PARD3B: variants seen among roughly 807,000 people sequenced by gnomAD.
PARD3B encodes the protein par-3 family cell polarity regulator beta.
A neutral mutation model predicts 130.2 loss-of-function variants in PARD3B; 103 were observed. That is an observed-to-expected ratio of 0.79 (90% CI 0.67 to 0.93). The LOEUF (loss-of-function observed/expected upper bound fraction) is 0.93. Among genes scored for constraint, PARD3B ranks in the 40% least tolerant of loss-of-function variants. The pLI is 0.00. For synonymous variants in PARD3B, 583 were observed against 553.2 expected, an observed-to-expected ratio of 1.05 and a Z score of -0.76; for missense variants, 1,609 against 1,499.2, an observed-to-expected ratio of 1.07 and a Z score of -1.21.
intron 2 of PARD3B, among the ~76,000 whole-genome samples, chr2:204,872,443 T>C (rs1328044316): frequency 6.6e-6 from 1 of 152,198 alleles, no homozygotes; most frequent in African/African-American, 2.4e-5. Flanking sequence ...CACTGTATCT[T>C]ATCCATGCCT....
chr2:204,820,070 AC>A (rs2043285140), intron 2 of PARD3B, among the ~76,000 whole-genome samples: 1 of 86,298 alleles, frequency 1.2e-5, no homozygotes, highest in Non-Finnish European at 2.1e-5. Context: ...TAAACAATAG[AC>A]TTTTTTTTTT....
chr2:205,017,584 GCT>G (rs778052984), intron 3 of PARD3B, among the ~76,000 whole-genome samples: 17 of 152,202 alleles, frequency 1.1e-4, no homozygotes, highest in East Asian at 1.9e-4. Flanking sequence ...AGCCTGGATG[GCT>G]CTCTTTTGTA....
chr2:205,535,360 T>C (rs564351856), intron 21 of PARD3B, among the ~76,000 whole-genome samples: 58 of 152,264 alleles, frequency 3.8e-4, no homozygotes, highest in African/African-American at 1.4e-3. Flanking sequence ...CCTTTCTCCA[T>C]GCCAAAAGAA....
At chr2:204,738,414 G>A (rs747894784) in intron 2 of PARD3B, among the ~76,000 whole-genome samples, 7 of 152,066 alleles carry the variant, frequency 4.6e-5, no homozygotes, top group Non-Finnish European at 1.0e-4. Context: ...TGTGTATATT[G>A]TAAATCTAAC....
intron 16 of PARD3B, among the ~76,000 whole-genome samples, chr2:205,266,492 C>G (rs191404473): frequency 6.6e-6 from 1 of 152,180 alleles, no homozygotes; most frequent in Admixed American, 6.5e-5. Flanking sequence ...TATAATTTCT[C>G]TGTAGTCACA....
At position 205,354,026 on chromosome 2, in the gene PARD3B, C is replaced by CTTTTTTTTTTTTTTTTTTTTTTTTT. The variant is rs869308018; in HGVS notation, c.2631-46963_2631-46962insTTTTTTTTTTTTTTTTTTTTTTTTT. On this transcript the variant is annotated intron_variant, in intron 18 of 22. Transcript: ENST00000406610. ...CTTCTTTCTTTTTTCTTTTCTTTTC[C>CTTTTTTTTTTTTTTTTTTTTTTTTT]TTTTTTTTTTTTTTTTTTTTTTTTG... Among the ~76,000 whole-genome samples the CTTTTTTTTTTTTTTTTTTTTTTTTT allele has an allele frequency of 4.0e-5, 2 of 50,364 alleles. 1 individual carries two copies. Among genetic ancestry groups the CTTTTTTTTTTTTTTTTTTTTTTTTT allele is most frequent in the Non-Finnish European group, 8.3e-5 (2 of 24,132 alleles). The allele number at this position is 50,364 out of a possible 152,430, so 33.0% of individuals were successfully genotyped here.
intron 20 of PARD3B, among the ~76,000 whole-genome samples, chr2:205,494,472 T>C (rs2049852428): frequency 6.6e-6 from 1 of 152,154 alleles, no homozygotes. Context: ...TTGCACCCCA[T>C]TCCGTTTTAT....
intron 1 of PARD3B, among the ~76,000 whole-genome samples, chr2:204,588,031 A>C (rs564531803): frequency 6.6e-6 from 1 of 152,182 alleles, no homozygotes; most frequent in South Asian, 2.1e-4. Flanking sequence ...GCAGCATGAG[A>C]ATGGGCTAAT....
chr2:205,484,807 G>T (rs1021827936), intron 20 of PARD3B, among the ~76,000 whole-genome samples: 5 of 152,154 alleles, frequency 3.3e-5, no homozygotes, highest in African/African-American at 1.2e-4. Context: ...ACTTCACCAT[G>T]ATGGGTAAAA....
chr2:205,359,829 C>A (rs1472292591), intron 18 of PARD3B, among the ~76,000 whole-genome samples: 3 of 152,170 alleles, frequency 2.0e-5, no homozygotes, highest in Admixed American at 6.5e-5. Flanking sequence ...GAAACATCCT[C>A]ATACGTGCCC....
chr2:205,209,387 T>C (rs1399808879), intron 15 of PARD3B, among the ~76,000 whole-genome samples: 1 of 152,096 alleles, frequency 6.6e-6, no homozygotes, highest in Non-Finnish European at 1.5e-5. Context: ...AATTAATCTG[T>C]GTTCCTTTTT....
chr2:204,902,187 A>G (rs1363347031), intron 2 of PARD3B, among the ~76,000 whole-genome samples: 2 of 152,192 alleles, frequency 1.3e-5, no homozygotes, highest in Admixed American at 6.5e-5. Flanking sequence ...TGTTTTACAT[A>G]GAAAAGGCTG....
intron 15 of PARD3B, among the ~76,000 whole-genome samples, chr2:205,221,321 G>A (rs971564292): frequency 1.3e-5 from 2 of 152,168 alleles, no homozygotes; most frequent in Non-Finnish European, 2.9e-5. Flanking sequence ...CATGGTGCCC[G>A]ATGTACCACC....
intron 21 of PARD3B, among the ~76,000 whole-genome samples, chr2:205,539,475 A>G (rs1423054855): frequency 2.6e-5 from 4 of 152,188 alleles, no homozygotes; most frequent in Non-Finnish European, 1.5e-5. Context: ...AGGTATGTGC[A>G]CAGCCCCTCC....
chr2:204,991,378 C>G (rs1402552874), intron 3 of PARD3B, among the ~76,000 whole-genome samples: 4 of 144,386 alleles, frequency 2.8e-5, no homozygotes, highest in East Asian at 2.0e-4. Flanking sequence ...TTTCCAATTT[C>G]ATCCATGTCC....
chr2:204,935,735 T>A (rs1447660837), intron 2 of PARD3B, among the ~76,000 whole-genome samples: 1 of 152,114 alleles, frequency 6.6e-6, no homozygotes, highest in Non-Finnish European at 1.5e-5. Flanking sequence ...GGGCTTATCA[T>A]TGAAACCATT....
intron 2 of PARD3B, among the ~76,000 whole-genome samples, chr2:204,775,514 A>G (rs771323165): frequency 5.9e-5 from 9 of 152,096 alleles, no homozygotes; most frequent in Non-Finnish European, 1.2e-4. Flanking sequence ...ATGTAAATGG[A>G]GCTGGAGGAG....
chr2:204,740,982 TTAGA>T (rs1344829342), intron 2 of PARD3B, among the ~76,000 whole-genome samples: 10 of 152,284 alleles, frequency 6.6e-5, no homozygotes, highest in South Asian at 2.1e-4. Flanking sequence ...ATTGAGACTC[TTAGA>T]TGGATGGAAA....
At chr2:204,755,131 GA>G (rs1189048662) in intron 2 of PARD3B, among the ~76,000 whole-genome samples, 11 of 152,098 alleles carry the variant, frequency 7.2e-5, no homozygotes, top group African/African-American at 2.6e-4. Flanking sequence ...ATTAACATCA[GA>G]ACTCCAGTTC....
Sources: gnomAD v4.1 joint callset for allele counts (sites outside exome capture counted in the v4.1 genomes callset) on GRCh38, gnomAD v4.1.1 for gene constraint, MANE v1.5 for transcripts, NCBI Gene and HGNC (gene_info 2026-07-23, HGNC 2026-07-21) for gene names.